Variants in CNTN6 observed in about 807,000 individuals in gnomAD.
CNTN6 encodes contactin-6.
In CNTN6, 137 loss-of-function variants were observed where a neutral mutation model predicts 122.8. The ratio of observed to expected loss-of-function variants is 1.12; its 90% CI spans 0.97 to 1.29. The LOEUF is 1.29. Among genes scored for constraint, CNTN6 ranks in the 50% most tolerant of loss-of-function variants. CNTN6 has a pLI of 0.00. For missense variants in CNTN6, 1,634 were observed against 1,223.4 expected, an observed-to-expected ratio of 1.34 and a Z score of -5.01; for synonymous variants, 570 against 426.0, an observed-to-expected ratio of 1.34 and a Z score of -4.16.
intron 2 of CNTN6, among the ~76,000 whole-genome samples, chr3:1,170,866 T>C (rs2093346571): frequency 6.6e-6 from 1 of 152,198 alleles, no homozygotes; most frequent in African/African-American, 2.4e-5. Context: ...TTGCTTAGCA[T>C]CTATCTCTTT....
intron 4 of CNTN6, among the ~76,000 whole-genome samples, chr3:1,272,531 GA>G (rs3836240): frequency 0.15 from 23,516 of 152,040 alleles, 2,084 homozygotes; most frequent in South Asian, 0.3. Flanking sequence ...TAGTAAATGG[GA>G]AAAAATATAT....
intron 1 of CNTN6, among the ~76,000 whole-genome samples, chr3:1,099,446 G>A (rs1452235314): frequency 1.3e-5 from 2 of 151,894 alleles, no homozygotes; most frequent in Non-Finnish European, 2.9e-5. Context: ...GCCAGACTCT[G>A]TCTCAAAAAA....
intron 2 of CNTN6, among the ~76,000 whole-genome samples, chr3:1,158,032 A>G (rs927739802): frequency 1.3e-5 from 2 of 152,194 alleles, no homozygotes; most frequent in Non-Finnish European, 2.9e-5. Flanking sequence ...TTGCTGGATC[A>G]TATGGGGGCC....
At chr3:1,108,963 A>G (rs1338963612) in intron 1 of CNTN6, among the ~76,000 whole-genome samples, 1 of 152,046 alleles carries the variant, frequency 6.6e-6, no homozygotes, top group Non-Finnish European at 1.5e-5. Flanking sequence ...ATTTAAAGCA[A>G]TTGTAGTAAA....
chr3:1,402,511 G>T (rs769542436), intron 22 of CNTN6, 25 bp downstream of exon 22: 5 of 1,583,166 alleles, frequency 3.2e-6, no homozygotes, highest in East Asian at 2.3e-5. Context: ...CATTGCTGTA[G>T]TAGATTCTGA....
At chr3:1,170,654 C>A (rs1268889485) in intron 2 of CNTN6, among the ~76,000 whole-genome samples, 8 of 152,104 alleles carry the variant, frequency 5.3e-5, no homozygotes, top group Admixed American at 5.2e-4. Flanking sequence ...CACTGAGAAC[C>A]AAATTAAGTG....
chr3:1,215,949 C>A (rs923925565), intron 2 of CNTN6, among the ~76,000 whole-genome samples: 5 of 152,110 alleles, frequency 3.3e-5, no homozygotes, highest in African/African-American at 1.2e-4. Context: ...TTTTAGGATA[C>A]CTGGGTGCTT....
At chr3:1,331,062 C>T (rs17193264) in intron 11 of CNTN6, among the ~76,000 whole-genome samples, 12,223 of 151,268 alleles carry the variant, frequency 0.081, 622 homozygotes, top group Non-Finnish European at 0.11. Context: ...CATTTGTGGC[C>T]GAGGAAAAAA....
intron 17 of CNTN6, among the ~76,000 whole-genome samples, chr3:1,381,428 T>C (rs1282247029): frequency 1.3e-5 from 2 of 152,196 alleles, no homozygotes; most frequent in Non-Finnish European, 2.9e-5. Context: ...CCAGCTCAGG[T>C]CATCTCGGGT....
intron 1 of CNTN6, among the ~76,000 whole-genome samples, chr3:1,104,769 A>G (rs7638847): frequency 0.065 from 9,826 of 152,094 alleles, 419 homozygotes; most frequent in Non-Finnish European, 0.089. Context: ...GTGTGTGTGC[A>G]TTTAAAATAC....
intron 2 of CNTN6, among the ~76,000 whole-genome samples, chr3:1,176,687 CTA>C (rs1204002374): frequency 1.3e-5 from 2 of 152,054 alleles, no homozygotes; most frequent in Non-Finnish European, 2.9e-5. Flanking sequence ...TTTAGTTGAA[CTA>C]TGTCTGTTTA....
chr3:1,255,710 A>T (rs76772062), intron 4 of CNTN6, among the ~76,000 whole-genome samples: 4 of 152,006 alleles, frequency 2.6e-5, no homozygotes, highest in Admixed American at 2.0e-4. Context: ...GTCTCACTCT[A>T]TTGCCCAGCT....
intron 1 of CNTN6, among the ~76,000 whole-genome samples, chr3:1,119,353 G>GTGTGTGTGTGTGTGTGTGTGTGT (rs377642286): frequency 2.1e-4 from 31 of 150,116 alleles, no homozygotes; most frequent in African/African-American, 3.2e-4. Flanking sequence ...GTGTGTGTGT[G>GTGTGTGTGTGTGTGTGTGTGTGT]GAGAATGTCT....
In CNTN6 at chr3:1,387,974, G is replaced by A. The variant is rs367579438; in HGVS notation, c.2704+2177G>A. The stretch of plus-strand genomic sequence containing the variant: ...TGAGATCAAACTGCAAGGCGGCAGC[G>A]AGGCTGGGGGAGGGGCGCCCGCCAT... On this transcript the variant is annotated intron_variant, in intron 20 of 22. Transcript: ENST00000446702. Among the ~76,000 whole-genome samples the A allele has an allele frequency of 1.0e-3, 152 of 152,146 alleles. 1 individual carries two copies. The East Asian group carries it at 0.028, about 28-fold the overall frequency.
At chr3:1,132,813 C>T (rs1386128646) in intron 1 of CNTN6, among the ~76,000 whole-genome samples, 3 of 152,072 alleles carry the variant, frequency 2.0e-5, no homozygotes, top group Non-Finnish European at 2.9e-5. Flanking sequence ...GTTAGTTCAG[C>T]TTAAGCCTAC....
chr3:1,351,378 T>C (rs1416202172), intron 11 of CNTN6, among the ~76,000 whole-genome samples: 2 of 152,008 alleles, frequency 1.3e-5, no homozygotes, highest in African/African-American at 2.4e-5. Context: ...TAGTATGTTG[T>C]CACACATTTT....
intron 1 of CNTN6, among the ~76,000 whole-genome samples, chr3:1,136,935 A>C (rs2125122066): frequency 6.6e-6 from 1 of 152,330 alleles, no homozygotes; most frequent in African/African-American, 2.4e-5. Flanking sequence ...ACTGCCGTGA[A>C]GATGAAATGA....
chr3:1,103,868 G>A (rs1050601946), intron 1 of CNTN6, among the ~76,000 whole-genome samples: 1 of 151,888 alleles, frequency 6.6e-6, no homozygotes, highest in East Asian at 1.9e-4. Context: ...ATTAGCCCCC[G>A]GATGTTATTT....
intron 5 of CNTN6, among the ~76,000 whole-genome samples, chr3:1,285,182 C>G (rs910218744): frequency 6.6e-6 from 1 of 152,080 alleles, no homozygotes; most frequent in Admixed American, 6.5e-5. Flanking sequence ...AATTACCAGT[C>G]TTCAGTATGT....
Sources: allele counts gnomAD v4.1 joint callset (sites outside exome capture counted in the v4.1 genomes callset), GRCh38; gene constraint gnomAD v4.1.1; transcripts MANE v1.5; gene names NCBI Gene and HGNC (gene_info 2026-07-23, HGNC 2026-07-21).